Variants in FAM117A observed in about 807,000 individuals in gnomAD.
FAM117A encodes family with sequence similarity 117 member A, also known as protein FAM117A.
FAM117A carries 21 observed loss-of-function variants against 44.1 expected under a neutral mutation model. That is an observed-to-expected ratio of 0.48 (90% CI 0.34 to 0.69). FAM117A has a LOEUF of 0.69. Among genes scored for constraint, FAM117A ranks in the 30% least tolerant of loss-of-function variants. The pLI is 0.01. For synonymous variants in FAM117A, 220 were observed against 238.3 expected, an observed-to-expected ratio of 0.92 and a Z score of 0.71; for missense variants, 498 against 589.9, an observed-to-expected ratio of 0.84 and a Z score of 1.61.
intron 1 of FAM117A, among the ~76,000 whole-genome samples, chr17:49,761,049 A>G (rs2073720724): frequency 6.6e-6 from 1 of 152,148 alleles, no homozygotes; most frequent in African/African-American, 2.4e-5. Context: ...TGCTCTTTAC[A>G]CCATAACCCT....
chr17:49,765,777 TTAAC>T (rs1174204563), upstream of FAM117A: 1 of 152,214 alleles, frequency 6.6e-6, no homozygotes, highest in Non-Finnish European at 1.5e-5. Flanking sequence ...ATAAGATTAA[TTAAC>T]TCAGTTGAAA....
chr17:49,758,630 AAAAAAAT>A lies in FAM117A; in HGVS notation c.196+5255_196+5261del, dbSNP rs1309066855. Among the ~76,000 whole-genome samples the A allele has an allele frequency of 5.3e-4, 64 of 120,798 alleles. No homozygotes were observed. The East Asian group carries it at 6.0e-3, about 11-fold the overall frequency. The allele number at this position is 120,798 out of a possible 152,430, so 79.2% of individuals were successfully genotyped here. On this transcript the variant is annotated intron_variant, in intron 1 of 7. Transcript: ENST00000240364. ...CAAAGCGAGACTGTCTCAAAAAAAA[AAAAAAAT>A]AAAATAAATAAATAAATAAATAAAT...
intron 3 of FAM117A, among the ~76,000 whole-genome samples, chr17:49,722,133 T>G (rs932770578): frequency 6.6e-6 from 1 of 152,050 alleles, no homozygotes; most frequent in African/African-American, 2.4e-5. Context: ...GATGAGTAGT[T>G]AAGAAGTAAA....
chr17:49,717,038 C>G (rs935590745), intron 6 of FAM117A, among the ~76,000 whole-genome samples: 1 of 151,858 alleles, frequency 6.6e-6, no homozygotes, highest in Non-Finnish European at 1.5e-5. Context: ...AGAGAAGTAG[C>G]TAGGGCATTG....
In FAM117A at chr17:49,758,629, AAAAAAAAT is replaced by A. The variant is rs1376837575; in HGVS notation, c.196+5255_196+5262del. ...ACAAAGCGAGACTGTCTCAAAAAAA[AAAAAAAAT>A]AAAATAAATAAATAAATAAATAAAT... is the stretch of plus-strand genomic sequence containing the variant. On this transcript the variant is annotated intron_variant, in intron 1 of 7. Coordinates refer to ENST00000240364, the MANE Select transcript of FAM117A (RefSeq NM_030802.4). Among the ~76,000 whole-genome samples the A allele has an allele frequency of 3.6e-3, 436 of 121,552 alleles. 2 individuals carry two copies. Among genetic ancestry groups the A allele is most frequent in the African/African-American group, 0.014 (419 of 30,750 alleles). 79.7% of individuals were successfully genotyped at this position (121,552 alleles called of 152,430 possible). A position where few individuals can be genotyped will look rare whatever the true frequency, so the allele number is the denominator to read the frequency against.
intron 3 of FAM117A, among the ~76,000 whole-genome samples, chr17:49,720,976 G>C (rs967555488): frequency 1.3e-5 from 2 of 152,116 alleles, no homozygotes; most frequent in Non-Finnish European, 1.5e-5. Flanking sequence ...GCCTCCCAAA[G>C]TCCTGGGATT....
At chr17:49,767,318 A>C (rs117934294), upstream of FAM117A, among the ~76,000 whole-genome samples, 1 of 152,106 alleles carries the variant, frequency 6.6e-6, no homozygotes, top group African/African-American at 2.4e-5. Context: ...TTGCAACAAA[A>C]CCTTTGCCAC....
intron 1 of FAM117A, among the ~76,000 whole-genome samples, chr17:49,776,163 G>A (rs1004441153): frequency 3.3e-5 from 5 of 152,148 alleles, no homozygotes; most frequent in Non-Finnish European, 7.3e-5. Flanking sequence ...CTTGCTGGGC[G>A]CTGACTACAG....
chr17:49,784,955 G>A (rs1023838554), intron 1 of FAM117A, among the ~76,000 whole-genome samples: 25 of 152,198 alleles, frequency 1.6e-4, no homozygotes, highest in Admixed American at 1.6e-3. Flanking sequence ...AACAGAGGTT[G>A]AACAGAGTTA....
intron 4 of FAM117A, 172 bp downstream of exon 4, chr17:49,720,154 G>A (rs777204671): frequency 1.2e-5 from 8 of 665,254 alleles, no homozygotes; most frequent in Non-Finnish European, 1.8e-5. Context: ...GATTCAGAAC[G>A]GCAAGAAGCC....
At chr17:49,777,875 T>C (rs2073779385) in intron 1 of FAM117A, among the ~76,000 whole-genome samples, 1 of 152,156 alleles carries the variant, frequency 6.6e-6, no homozygotes, top group Non-Finnish European at 1.5e-5. Flanking sequence ...CAGAGTAGAA[T>C]ATGCCAAGGG....
At chr17:49,751,983 C>T (rs1031396206) in intron 1 of FAM117A, among the ~76,000 whole-genome samples, 1 of 148,164 alleles carries the variant, frequency 6.7e-6, no homozygotes, top group Non-Finnish European at 1.5e-5. Context: ...AGGCCAGATG[C>T]AATGGCTCAC....
intron 1 of FAM117A, among the ~76,000 whole-genome samples, chr17:49,782,703 A>AC (rs201693899): frequency 6.6e-6 from 1 of 151,512 alleles, no homozygotes; most frequent in Non-Finnish European, 1.5e-5. Context: ...AAAAAAAAAA[A>AC]AAAAAAAACC....
At chr17:49,743,178 G>A (rs1483873112) in intron 1 of FAM117A, among the ~76,000 whole-genome samples, 3 of 152,186 alleles carry the variant, frequency 2.0e-5, no homozygotes, top group Non-Finnish European at 2.9e-5. Flanking sequence ...GAACTACTCC[G>A]TGGGTTGGAA....
At chr17:49,713,907 G>A (rs2073489643) in intron 7 of FAM117A, among the ~76,000 whole-genome samples, 1 of 152,208 alleles carries the variant, frequency 6.6e-6, no homozygotes, top group Admixed American at 6.5e-5. Flanking sequence ...GAGAGGTGGA[G>A]GGTAAAGGCC....
At chr17:49,746,597 A>G (rs2073655213) in intron 1 of FAM117A, among the ~76,000 whole-genome samples, 1 of 152,238 alleles carries the variant, frequency 6.6e-6, no homozygotes, top group Non-Finnish European at 1.5e-5. Flanking sequence ...CAAGACCAAG[A>G]CTATAGGCAG....
At chr17:49,726,634 C>T (rs1351423925) in intron 2 of FAM117A, among the ~76,000 whole-genome samples, 2 of 152,138 alleles carry the variant, frequency 1.3e-5, no homozygotes, top group Admixed American at 6.5e-5. Context: ...GATAGGACTC[C>T]TCTTCTGAGT....
At chr17:49,748,929 C>T (rs2073664284) in intron 1 of FAM117A, among the ~76,000 whole-genome samples, 2 of 152,186 alleles carry the variant, frequency 1.3e-5, no homozygotes, top group African/African-American at 2.4e-5. Context: ...GTGTCTGAAC[C>T]TCTAGCTCTG....
At chr17:49,713,384 G>C (rs1243057073) in intron 7 of FAM117A, among the ~76,000 whole-genome samples, 1 of 152,178 alleles carries the variant, frequency 6.6e-6, no homozygotes, top group Non-Finnish European at 1.5e-5. Flanking sequence ...ACAAAGGTAT[G>C]GGAAGACGGT....
Sources: allele counts gnomAD v4.1 joint callset (sites outside exome capture counted in the v4.1 genomes callset), GRCh38; gene constraint gnomAD v4.1.1; transcripts MANE v1.5; gene names NCBI Gene and HGNC (gene_info 2026-07-23, HGNC 2026-07-21).